The following GREB1 variants were observed in gnomAD, a reference collection of about 807,000 sequenced individuals.
The protein encoded by GREB1 is growth regulating estrogen receptor binding 1.
A neutral mutation model predicts 200.7 loss-of-function variants in GREB1; 106 were observed. The observed-to-expected ratio is 0.53, with a 90% confidence interval of 0.45 to 0.62. The LOEUF (loss-of-function observed/expected upper bound fraction) is 0.62. GREB1 is among the 20% of genes least tolerant of loss of function. GREB1 has a pLI of 0.00. For synonymous variants in GREB1, 1,132 were observed against 1,092.4 expected (o/e 1.04, Z -0.72); for missense variants, 2,243 against 2,556.8 (o/e 0.88, Z 2.65).
intron 9 of GREB1, chr2:11,587,904 T>C: frequency 1.0e-6 from 1 of 998,112 alleles, no homozygotes; most frequent in Non-Finnish European, 1.2e-6. Context: ...CCTGGGCAAT[T>C]CCACCTCTGA....
chr2:11,634,449 A>G, intron 29 of GREB1, 100 bp downstream of exon 29: 2 of 851,564 alleles, frequency 2.3e-6, no homozygotes, highest in Non-Finnish European at 3.8e-6. Flanking sequence ...GGCTGTGAGC[A>G]CTGACCTGGC....
Position 11,614,717 on chromosome 2 carries a change from C to T in GREB1, c.3123-374C>T, listed in dbSNP as rs181362051. 7.4e-3 allele frequency among the ~76,000 whole-genome samples: 1,121 copies of T among 152,272 alleles called. 4 individuals carry two copies. The highest frequency in any genetic ancestry group is 0.013 in the Non-Finnish European group (857 of 68,024). Reference sequence around the variant, plus strand: ...TAGCTGGGACTACAGGCGCCCGCCACCACGCCTGGCTCATTTTTTGTATTT... The same window carrying T: ...TAGCTGGGACTACAGGCGCCCGCCATCACGCCTGGCTCATTTTTTGTATTT... On this transcript the variant is annotated intron_variant, in intron 19 of 32. Coordinates refer to ENST00000381486, the MANE Select transcript of GREB1 (RefSeq NM_014668.4).
Position 11,600,980 on chromosome 2 carries a change from T to C in GREB1, c.2514T>C (p.Pro838=). Reference sequence around the variant, plus strand: ...GCCCCTACAACGAGATCCACTGGCCTGCCTCCTGCAGTAATGTGAGTGCCA... The same window carrying C: ...GCCCCTACAACGAGATCCACTGGCCCGCCTCCTGCAGTAATGTGAGTGCCA... ...LISPYNEIHW[P]ASCSNGVDLY... Residue 838 remains proline (P), a synonymous_variant, in exon 16 of 33, where the codon CCT becomes CCC. Transcript: ENST00000381486. The C allele has an allele frequency of 6.2e-7, 1 of 1,611,476 alleles. No homozygotes were observed. The highest frequency in any genetic ancestry group is 1.7e-4 in the Middle Eastern group (1 of 6,050).
At chr2:11,504,902 C>A (rs1673139612) in intron 1 of GREB1, among the ~76,000 whole-genome samples, 1 of 152,192 alleles carries the variant, frequency 6.6e-6, no homozygotes, top group South Asian at 2.1e-4. Flanking sequence ...AACTGCCTTG[C>A]AAGATAGGTG....
In GREB1 at chr2:11,618,170, CTCCTGGGACAGGTCACTCCTGGGATGGGT is replaced by C. The variant is rs1558643670; in HGVS notation, c.3413-117_3413-89del. ...GACAGGTCACTCCTGGGATGGGTGA[CTCCTGGGACAGGTCACTCCTGGGATGGGT>C]GACTCCTGGGACAGGTCACTCCTGG... On this transcript the variant is annotated intron_variant, in intron 21 of 32. Transcript: ENST00000381486. The C allele has an allele frequency of 9.5e-5, 85 of 891,546 alleles. 3 individuals carry two copies. In the East Asian group the frequency reaches 2.1e-3, roughly 22 times the overall value. 55.2% of individuals were successfully genotyped at this position (891,546 alleles called of 1,614,324 possible). A position where few individuals can be genotyped will look rare whatever the true frequency, so the allele number is the denominator to read the frequency against.
intron 1 of GREB1, among the ~76,000 whole-genome samples, chr2:11,506,521 A>G (rs1156847961): frequency 2.0e-5 from 3 of 152,214 alleles, no homozygotes; most frequent in Non-Finnish European, 4.4e-5. Context: ...GCCAGGGGAA[A>G]AGAGTGGAGA....
At chr2:11,578,921 G>C (rs1014607812) in intron 6 of GREB1, among the ~76,000 whole-genome samples, 6 of 152,242 alleles carry the variant, frequency 3.9e-5, no homozygotes, top group Non-Finnish European at 8.8e-5. Flanking sequence ...GAGGCTGGGT[G>C]CTTGCCTAGG....
intron 15 of GREB1, 128 bp from the exon 16 acceptor site, chr2:11,600,672 G>A (rs1235172611): frequency 1.3e-6 from 1 of 749,408 alleles, no homozygotes; most frequent in Non-Finnish European, 2.3e-6. Flanking sequence ...TTCTTAGTCA[G>A]GGGCAGAGCC....
chr2:11,587,668 T>C, intron 9 of GREB1: 1 of 1,356,850 alleles, frequency 7.4e-7, no homozygotes, highest in Non-Finnish European at 9.5e-7. Flanking sequence ...TTTTGGTGAC[T>C]AAATGGAGTA....
At position 11,552,818 on chromosome 2, in the gene GREB1, T is replaced by C. The variant is rs568788434; in HGVS notation, c.-161-3636T>C. On this transcript the variant is annotated intron_variant, in intron 1 of 32. Coordinates refer to ENST00000381486, the MANE Select transcript of GREB1 (RefSeq NM_014668.4). ...CGAGGTCAGGAGATCGAGACCATCC[T>C]GGCTAACACGGTGAAACCCCGTCTC... Among the ~76,000 whole-genome samples, 91 of 152,104 alleles carry C rather than the reference T, an allele frequency of 6.0e-4. 1 individual carries two copies. Among genetic ancestry groups the C allele is most frequent in the East Asian group, 5.0e-3 (26 of 5,152 alleles).
At chr2:11,634,062 G>T (rs1356222834) in intron 28 of GREB1, 69 bp from the exon 29 acceptor site, 33 of 1,433,872 alleles carry the variant, frequency 2.3e-5, no homozygotes, top group Non-Finnish European at 3.2e-5. Context: ...GTGCCACACT[G>T]CCTGGTCCCA....
chr2:11,519,244 C>T (rs889604090), intron 1 of GREB1, among the ~76,000 whole-genome samples: 9 of 151,940 alleles, frequency 5.9e-5, no homozygotes, highest in Non-Finnish European at 7.4e-5. Flanking sequence ...AGATAGACAT[C>T]GTTACCTATA....
chr2:11,614,029 C>G (rs1683167851), intron 19 of GREB1, among the ~76,000 whole-genome samples: 1 of 152,044 alleles, frequency 6.6e-6, no homozygotes, highest in Admixed American at 6.6e-5. Context: ...TGATTGCCAT[C>G]ATATTTCTAG....
Position 11,617,849 on chromosome 2 carries a change from C to T in GREB1, c.3413-439C>T, listed in dbSNP as rs548503874. Among the ~76,000 whole-genome samples the T allele has an allele frequency of 8.2e-4, 125 of 152,226 alleles. 2 individuals carry two copies. The highest frequency in any genetic ancestry group is 8.3e-4 in the South Asian group (4 of 4,826). On this transcript the variant is annotated intron_variant, in intron 21 of 32. Coordinates refer to ENST00000381486, the MANE Select transcript of GREB1 (RefSeq NM_014668.4). ...AGACTGGCTAGGGGGCATCTGGGGC[C>T]GCCCTTCTTTTCCCCTCACCTCCTG...
chr2:11,522,467 A>G (rs1673734919), intron 1 of GREB1, among the ~76,000 whole-genome samples: 2 of 152,130 alleles, frequency 1.3e-5, no homozygotes, highest in African/African-American at 4.8e-5. Context: ...GGTCTGTCAC[A>G]ACTGTCGCCT....
intron 1 of GREB1, among the ~76,000 whole-genome samples, chr2:11,487,383 G>A (rs1045090939): frequency 2.6e-5 from 4 of 152,116 alleles, no homozygotes; most frequent in Non-Finnish European, 5.9e-5. Flanking sequence ...GTTCAACCCC[G>A]TAGGACAACG....
rs1385886802 is a variant in GREB1, at chr2:11,534,114, T to G, written c.-302T>G. 2 of 152,086 alleles carry G rather than the reference T, an allele frequency of 1.3e-5. No homozygotes were observed. The highest frequency in any genetic ancestry group is 2.9e-5 in the Non-Finnish European group (2 of 68,022). The allele number at this position is 152,086 out of a possible 1,614,324, so 9.4% of individuals were successfully genotyped here. A position where few individuals can be genotyped will look rare whatever the true frequency, so the allele number is the denominator to read the frequency against. On this transcript the variant is annotated 5_prime_UTR_variant, in exon 1 of 33. The change abolishes an upstream ATG in the 5' untranslated region. Transcript: ENST00000381486. ...TTTTACCTCAAAGTGCAAAGGTAAA[T>G]GAAATAAAGTTTTTTCAATGGAAGG...
chr2:11,538,969 C>T (rs1376686974), intron 1 of GREB1, among the ~76,000 whole-genome samples: 2 of 58,978 alleles, frequency 3.4e-5, no homozygotes, highest in African/African-American at 8.7e-5. Context: ...CTCCTCTCCC[C>T]TCCCTTCCCC....
At position 11,492,942 on chromosome 2, in the gene GREB1, G is replaced by C. The variant is rs1168225663; in HGVS notation, c.-159+10561G>C. ...GGAGTAATGCAAACCAGCAAGACTAGGCTTAAACAATGGGAGCTGAGGCTC... is the reference window on the plus strand; with the variant it reads ...GGAGTAATGCAAACCAGCAAGACTACGCTTAAACAATGGGAGCTGAGGCTC... On this transcript the variant is annotated intron_variant, in intron 1 of 2. Transcript: ENST00000628795. This position sits in a 1 kb window ranked among gnomAD's most constrained non-coding sequence, Gnocchi z 4.0. 6.6e-6 allele frequency among the ~76,000 whole-genome samples: 1 copy of C among 152,230 alleles called. No homozygotes were observed. Among genetic ancestry groups the C allele is most frequent in the East Asian group, 1.9e-4 (1 of 5,194 alleles).
Sources: gnomAD v4.1 joint callset for allele counts (sites outside exome capture counted in the v4.1 genomes callset) on GRCh38, gnomAD v4.1.1 for gene constraint, Gnocchi (gnomAD v3.1) non-coding constraint, MANE v1.5 for transcripts, NCBI Gene and HGNC (gene_info 2026-07-23, HGNC 2026-07-21) for gene names.